Variants in DNAH5 observed in about 807,000 individuals in gnomAD.
The protein encoded by DNAH5 is axonemal beta dynein heavy chain 5.
DNAH5 carries 372 observed loss-of-function variants against 518.2 expected under a neutral mutation model. The observed-to-expected ratio is 0.72, with a 90% confidence interval of 0.66 to 0.78. DNAH5 has a LOEUF of 0.78. Among genes scored for constraint, DNAH5 ranks in the 30% least tolerant of loss-of-function variants. The pLI, the probability that DNAH5 is intolerant of heterozygous loss-of-function variation, is 0.00. For missense variants in DNAH5, 5,523 were observed against 5,687.0 expected (o/e 0.97, Z 0.93); for synonymous variants, 2,039 against 2,025.9 (o/e 1.01, Z -0.17).
chr5:13,715,848 G>A (rs1018732159), intron 74 of DNAH5, among the ~76,000 whole-genome samples: 2 of 152,064 alleles, frequency 1.3e-5, no homozygotes, highest in South Asian at 2.1e-4. Flanking sequence ...GACATTTTTG[G>A]TTCTTACAAT....
chr5:13,872,253 T>G (rs994935924), intron 22 of DNAH5, among the ~76,000 whole-genome samples: 3 of 152,082 alleles, frequency 2.0e-5, no homozygotes, highest in Admixed American at 6.6e-5. Flanking sequence ...GTGGAGGGAA[T>G]GGAGATTAGA....
At position 13,710,110 on chromosome 5, in the gene DNAH5, G is replaced by A. The variant is rs938273303; in HGVS notation, c.13126-1775C>T. On this transcript the variant is annotated intron_variant, in intron 75 of 78. Transcript: ENST00000265104. ...AACAAATGCTGCTATCTGCAGCTGC[G>A]AGACCCACAGACAAGGTTCACATCA... Among the ~76,000 whole-genome samples the A allele has an allele frequency of 2.6e-5, 4 of 151,968 alleles. No individual in the cohort carries two copies. In the East Asian group the frequency reaches 7.8e-4, roughly 30 times the overall value.
At chr5:13,729,959 T>C (rs569732427) in intron 68 of DNAH5, among the ~76,000 whole-genome samples, 104 of 152,328 alleles carry the variant, frequency 6.8e-4, no homozygotes, top group Admixed American at 4.1e-3. Flanking sequence ...TAAATGAGCA[T>C]CAATTTTCAA....
At chr5:13,868,134 G>A (rs894528924) in intron 24 of DNAH5, 142 bp from the exon 25 acceptor site, 19 of 735,566 alleles carry the variant, frequency 2.6e-5, no homozygotes, top group Admixed American at 1.9e-4. Flanking sequence ...ACTTCAAACC[G>A]CAAGAGGTTA....
Position 13,870,908 on chromosome 5 carries a change from G to A in DNAH5, c.3693C>T (p.Asn1231=), listed in dbSNP as rs969699608. ...CNKKYRSEME[N]IFMLIEEFNK... is the part of the protein sequence containing the mutation. ...TGAATTCTTCAATAAGCATAAAAAT[G>A]TTTTCCATCTCACTCCGGTATTTTT... The change falls in exon 24 of 79, where the codon AAC becomes AAT. Residue 1231 remains asparagine (N), a synonymous_variant. Coordinates refer to ENST00000265104, the MANE Select transcript of DNAH5 (RefSeq NM_001369.3). 1.2e-6 allele frequency: 2 copies of A among 1,613,790 alleles called. No homozygotes were observed. The highest frequency in any genetic ancestry group is 4.5e-5 in the East Asian group (2 of 44,866).
chr5:13,733,810 C>T (rs902022081), intron 68 of DNAH5, among the ~76,000 whole-genome samples: 2 of 152,098 alleles, frequency 1.3e-5, no homozygotes, highest in African/African-American at 2.4e-5. Flanking sequence ...TGTATACCTA[C>T]ATTCCTTCCC....
intron 19 of DNAH5, 54 bp downstream of exon 19, chr5:13,884,933 CAT>C (rs1470445430): frequency 1.4e-5 from 23 of 1,602,186 alleles, no homozygotes; most frequent in Non-Finnish European, 1.7e-5. Flanking sequence ...CACACACACA[CAT>C]ACCCCAGCAA....
intron 30 of DNAH5, among the ~76,000 whole-genome samples, chr5:13,858,293 T>C (rs1283605317): frequency 6.6e-6 from 1 of 152,012 alleles, no homozygotes; most frequent in Non-Finnish European, 1.5e-5. Flanking sequence ...CTAGAAACCA[T>C]CATTCTCAGA....
chr5:13,777,210 A>C lies in DNAH5; in HGVS notation c.9097T>G (p.Ser3033Ala). 6.2e-7 allele frequency: 1 copy of C among 1,612,592 alleles called. No individual in the cohort carries two copies. ...AATAAATGAGCTCCTACCTCACCTG[A>C]TGATAAAACATTGTTCATATATTCC... The part of the protein sequence containing the change: ...FLEYMNNVLS[S>A]GEVSNLFARD... Residue 3033 changes from serine to alanine, a missense_variant, in exon 54 of 79, where the codon TCA becomes GCA. Ser to Ala is a moderately conservative substitution (Grantham distance 99, BLOSUM62 1). Transcript: ENST00000265104.
In DNAH5 at chr5:13,867,378, T is replaced by C. The variant is rs138767965; in HGVS notation, c.4053+396A>G. On this transcript the variant is annotated intron_variant, in intron 25 of 78. Transcript: ENST00000265104. ...AGTAGTGAGTTCTCATGAGATCCGA[T>C]GGTTTTAAAAGGAGCTCTTCCCTCT... Among the ~76,000 whole-genome samples the C allele has an allele frequency of 3.3e-5, 5 of 152,226 alleles. No homozygotes were observed. In the East Asian group the frequency reaches 5.8e-4, roughly 18 times the overall value.
chr5:13,758,015 T>A (rs1165627703), intron 61 of DNAH5, among the ~76,000 whole-genome samples: 1 of 151,386 alleles, frequency 6.6e-6, no homozygotes, highest in Non-Finnish European at 1.5e-5. Flanking sequence ...ATTGGATTTA[T>A]CAGAGGCAGA....
intron 42 of DNAH5, 116 bp from the exon 43 acceptor site, chr5:13,814,962 T>G (rs1015976663): frequency 2.2e-5 from 23 of 1,038,888 alleles, no homozygotes; most frequent in Non-Finnish European, 3.2e-5. Context: ...CATTAATTTT[T>G]AAATATAGTT....
At chr5:13,801,201 G>C (rs894192129) in intron 47 of DNAH5, among the ~76,000 whole-genome samples, 3 of 152,106 alleles carry the variant, frequency 2.0e-5, no homozygotes, top group Non-Finnish European at 4.4e-5. Context: ...TAACGGTTTA[G>C]CACTATCCCC....
chr5:13,901,026 G>A (rs549101349), intron 14 of DNAH5, among the ~76,000 whole-genome samples: 7 of 152,294 alleles, frequency 4.6e-5, no homozygotes, highest in East Asian at 3.9e-4. Flanking sequence ...TTTGGAGTTC[G>A]TAAATTAAAT....
chr5:13,745,845 A>T (rs1580022505), intron 65 of DNAH5, among the ~76,000 whole-genome samples: 2 of 152,238 alleles, frequency 1.3e-5, no homozygotes, highest in East Asian at 3.9e-4. Context: ...ATAAAATTTC[A>T]AATTGATATT....
intron 12 of DNAH5, among the ~76,000 whole-genome samples, chr5:13,903,611 CAA>C (rs954965194): frequency 1.3e-5 from 2 of 151,598 alleles, no homozygotes; most frequent in East Asian, 1.9e-4. Flanking sequence ...ATTAAAATCA[CAA>C]AAGGGAGAAA....
chr5:13,936,863 T>C (rs973546984), intron 1 of DNAH5, among the ~76,000 whole-genome samples: 1 of 152,130 alleles, frequency 6.6e-6, no homozygotes, highest in Non-Finnish European at 1.5e-5. Flanking sequence ...CAGAAGTGGA[T>C]GGAGGATGGG....
intron 38 of DNAH5, 110 bp from the exon 39 acceptor site, chr5:13,824,443 C>T: frequency 8.8e-7 from 1 of 1,130,918 alleles, no homozygotes; most frequent in South Asian, 1.3e-5. Flanking sequence ...GCTGATTTTC[C>T]TTCAGAAAAT....
chr5:13,766,202 A>G, intron 58 of DNAH5, 23 bp from the exon 59 acceptor site: 1 of 1,612,204 alleles, frequency 6.2e-7, no homozygotes, highest in South Asian at 1.1e-5. Flanking sequence ...AGGAACGATC[A>G]CCCAACCACA....
Sources: gnomAD v4.1 joint callset for allele counts (sites outside exome capture counted in the v4.1 genomes callset) on GRCh38, gnomAD v4.1.1 for gene constraint, MANE v1.5 for transcripts, NCBI Gene and HGNC (gene_info 2026-07-23, HGNC 2026-07-21) for gene names.